The following PIP4K2A variants were observed in gnomAD, a reference collection of about 807,000 sequenced individuals.
PIP4K2A encodes the protein phosphatidylinositol 5-phosphate 4-kinase type-2 alpha.
Under a neutral mutation model 42.9 loss-of-function variants are expected in PIP4K2A, and 14 were observed. The ratio of observed to expected loss-of-function variants is 0.33; its 90% CI spans 0.22 to 0.51. The LOEUF (loss-of-function observed/expected upper bound fraction) is 0.51, where lower values mean the gene tolerates loss of function less well. Ranked by LOEUF, PIP4K2A falls within the 20% of genes least tolerant of loss-of-function variation. The pLI, the probability that PIP4K2A is intolerant of heterozygous loss-of-function variation, is 0.97. For synonymous variants in PIP4K2A, 192 were observed against 192.2 expected (o/e 1.00, Z 0.01); for missense variants, 434 against 519.8 (o/e 0.83, Z 1.61).
intron 1 of PIP4K2A, among the ~76,000 whole-genome samples, chr10:22,644,972 G>A (rs927618365): frequency 2.0e-5 from 3 of 152,240 alleles, no homozygotes; most frequent in Admixed American, 2.0e-4. Flanking sequence ...CAGTAAATTC[G>A]CAAGACAGTT....
intron 1 of PIP4K2A, among the ~76,000 whole-genome samples, chr10:22,699,508 G>C (rs1241710446): frequency 1.3e-5 from 2 of 151,716 alleles, no homozygotes; most frequent in Non-Finnish European, 2.9e-5. Context: ...TGCGAAACTT[G>C]GGAGGGGCAC....
intron 1 of PIP4K2A, among the ~76,000 whole-genome samples, chr10:22,616,030 T>C (rs1048942704): frequency 2.2e-5 from 3 of 134,778 alleles, no homozygotes; most frequent in East Asian, 2.0e-4. Flanking sequence ...TGCCCGGCCA[T>C]TGGGCATCAA....
At chr10:22,711,565 A>G (rs939322626) in intron 1 of PIP4K2A, among the ~76,000 whole-genome samples, 8 of 152,270 alleles carry the variant, frequency 5.3e-5, no homozygotes, top group Non-Finnish European at 7.3e-5. Context: ...TCACAGATGC[A>G]AACACTGATG....
intron 8 of PIP4K2A, 83 bp downstream of exon 8, chr10:22,541,721 C>T (rs997914894): frequency 3.3e-5 from 48 of 1,435,332 alleles, no homozygotes; most frequent in Admixed American, 1.8e-4. Context: ...ACCCTCATAA[C>T]TGGGGTAGTG....
rs546528776 is a variant in PIP4K2A, at chr10:22,596,691, G to T, written c.340-4910C>A. ...AGGTGCCCCCGAGGGGTCCCTCCATGTATAAATAAACCTCAAAGAGCATTA... is the reference window on the plus strand; with the variant it reads ...AGGTGCCCCCGAGGGGTCCCTCCATTTATAAATAAACCTCAAAGAGCATTA... On this transcript the variant is annotated intron_variant, in intron 3 of 9. Coordinates refer to ENST00000376573, the MANE Select transcript of PIP4K2A (RefSeq NM_005028.5). Among the ~76,000 whole-genome samples, 3 of 152,366 alleles carry T rather than the reference G, an allele frequency of 2.0e-5. No individual in the cohort carries two copies. In the Middle Eastern group the frequency reaches 0.01, roughly 518 times the overall value.
In PIP4K2A at chr10:22,547,655, C is replaced by T. The variant is rs77259608; in HGVS notation, c.792+3004G>A. ...AACTGAAATGCCCTGTGAGGGGGTA[C>T]TCCTGGATGCCACAGAGGGAGAACA... On this transcript the variant is annotated intron_variant, in intron 7 of 9. Coordinates refer to ENST00000376573, the MANE Select transcript of PIP4K2A (RefSeq NM_005028.5). 1.3e-3 allele frequency among the ~76,000 whole-genome samples: 202 copies of T among 152,308 alleles called. 1 individual carries two copies. The highest frequency in any genetic ancestry group is 4.8e-3 in the African/African-American group (199 of 41,564).
intron 4 of PIP4K2A, among the ~76,000 whole-genome samples, chr10:22,590,577 A>G (rs1837488295): frequency 6.6e-6 from 1 of 152,192 alleles, no homozygotes; most frequent in African/African-American, 2.4e-5. Context: ...TGGCTTCAAA[A>G]TCCAGGCAGG....
intron 1 of PIP4K2A, among the ~76,000 whole-genome samples, chr10:22,618,082 T>A (rs1288687387): frequency 6.6e-6 from 1 of 152,192 alleles, no homozygotes; most frequent in Admixed American, 6.5e-5. Context: ...TCATACCAGA[T>A]TCCCTAGACT....
intron 6 of PIP4K2A, among the ~76,000 whole-genome samples, chr10:22,552,319 A>G (rs1269446072): frequency 6.6e-6 from 1 of 152,232 alleles, no homozygotes; most frequent in African/African-American, 2.4e-5. Context: ...ATTCTAGGAA[A>G]GACTGATCTA....
At chr10:22,542,759 T>C (rs1836155897) in intron 7 of PIP4K2A, among the ~76,000 whole-genome samples, 1 of 152,240 alleles carries the variant, frequency 6.6e-6, no homozygotes. Flanking sequence ...GATTTCTCTT[T>C]GTTTCCCTTT....
intron 4 of PIP4K2A, among the ~76,000 whole-genome samples, chr10:22,589,892 C>T (rs888687257): frequency 3.3e-5 from 5 of 152,094 alleles, no homozygotes; most frequent in South Asian, 2.1e-4. Context: ...TTAAAAACAC[C>T]GTGTGACTCT....
Position 22,664,162 on chromosome 10 carries a change from TATATACATATATATATATAC to T in PIP4K2A, c.144+50001_144+50020del, listed in dbSNP as rs1377666116. ...ATATACATATATATACACATATATATATATACATATATATATATACATATATATACATATATATATACATA... is the reference window on the plus strand; with the variant it reads ...ATATACATATATATACACATATATATATATATATACATATATATATACATA... On this transcript the variant is annotated intron_variant, in intron 1 of 9. Coordinates refer to ENST00000376573, the MANE Select transcript of PIP4K2A (RefSeq NM_005028.5). 1.7e-3 allele frequency among the ~76,000 whole-genome samples: 127 copies of T among 73,170 alleles called. 7 individuals are homozygous for T. Among genetic ancestry groups the T allele is most frequent in the Admixed American group, 2.3e-3 (14 of 5,966 alleles). 48.0% of individuals were successfully genotyped at this position (73,170 alleles called of 152,430 possible).
chr10:22,583,174 A>C (rs1286730135), intron 4 of PIP4K2A, among the ~76,000 whole-genome samples: 2 of 152,264 alleles, frequency 1.3e-5, no homozygotes, highest in Non-Finnish European at 2.9e-5. Context: ...TGTAAAAAAT[A>C]CAATAAAGTG....
chr10:22,665,605 CTTTTTT>C (rs34262297), intron 1 of PIP4K2A, among the ~76,000 whole-genome samples: 19 of 115,006 alleles, frequency 1.7e-4, no homozygotes, highest in African/African-American at 5.5e-4. Context: ...CCACACCTGG[CTTTTTT>C]TTTTTTTTTT....
At chr10:22,596,671 C>T (rs575087014) in intron 3 of PIP4K2A, among the ~76,000 whole-genome samples, 2 of 152,332 alleles carry the variant, frequency 1.3e-5, no homozygotes, top group East Asian at 1.9e-4. Context: ...CCTTCAGGTG[C>T]CCCCGAGGGG....
intron 3 of PIP4K2A, among the ~76,000 whole-genome samples, chr10:22,606,906 T>C (rs1837918555): frequency 6.6e-6 from 1 of 152,242 alleles, no homozygotes; most frequent in South Asian, 2.1e-4. Flanking sequence ...ATCTTGGGGA[T>C]GGGACCCAAG....
intron 6 of PIP4K2A, among the ~76,000 whole-genome samples, chr10:22,562,442 G>C (rs1006080892): frequency 2.0e-5 from 3 of 152,170 alleles, no homozygotes; most frequent in African/African-American, 7.2e-5. Flanking sequence ...CCAGCTACTA[G>C]GGAGGCTGAG....
At chr10:22,640,525 A>G (rs1588679822) in intron 1 of PIP4K2A, among the ~76,000 whole-genome samples, 3 of 152,158 alleles carry the variant, frequency 2.0e-5, no homozygotes. Flanking sequence ...CCGCCCCACA[A>G]AGGGCTCCGG....
chr10:22,577,975 T>C (rs1356992730), intron 4 of PIP4K2A, among the ~76,000 whole-genome samples: 1 of 152,216 alleles, frequency 6.6e-6, no homozygotes, highest in Admixed American at 6.5e-5. Context: ...GGAAGGAATT[T>C]ATTGGCAATT....
Sources: allele counts gnomAD v4.1 joint callset (sites outside exome capture counted in the v4.1 genomes callset), GRCh38; gene constraint gnomAD v4.1.1; transcripts MANE v1.5; gene names NCBI Gene and HGNC (gene_info 2026-07-23, HGNC 2026-07-21).